The following ADGRB3 variants were observed in gnomAD, a reference collection of about 807,000 sequenced individuals.
ADGRB3 encodes adhesion G protein-coupled receptor B3.
Under a neutral mutation model 193.4 loss-of-function variants are expected in ADGRB3, and 37 were observed. The observed-to-expected ratio is 0.19, with a 90% CI of 0.15 to 0.25. ADGRB3 has a LOEUF of 0.25. Among genes scored for constraint, ADGRB3 ranks in the 10% least tolerant of loss-of-function variants. The pLI, the probability that ADGRB3 is intolerant of heterozygous loss-of-function variation, is 1.00. For synonymous variants in ADGRB3, 690 were observed against 644.2 expected, an observed-to-expected ratio of 1.07 and a Z score of -1.08; for missense variants, 1,637 against 1,852.9, an observed-to-expected ratio of 0.88 and a Z score of 2.14.
At chr6:68,863,292 G>C (rs1401244131) in intron 3 of ADGRB3, among the ~76,000 whole-genome samples, 1 of 151,912 alleles carries the variant, frequency 6.6e-6, no homozygotes, top group Non-Finnish European at 1.5e-5. Flanking sequence ...AAATATATTA[G>C]AGAAATTCTT....
intron 3 of ADGRB3, among the ~76,000 whole-genome samples, chr6:68,927,624 C>T (rs553542092): frequency 9.5e-4 from 144 of 151,906 alleles, no homozygotes; most frequent in African/African-American, 3.3e-3. Flanking sequence ...AAACATGGGA[C>T]GTAAACTTTG....
intron 3 of ADGRB3, among the ~76,000 whole-genome samples, chr6:68,771,382 A>ATG (rs1458144038): frequency 4.9e-5 from 3 of 60,666 alleles, no homozygotes; most frequent in African/African-American, 2.2e-4. Flanking sequence ...GCTAGGGAAT[A>ATG]TATACACACA....
chr6:69,287,526 G>C lies in ADGRB3; in HGVS notation c.2815-37346G>C, dbSNP rs146405704. ...TCTACATGTAACAGGCATCAAACTA[G>C]GTATCTTCACAAATATTGATTTATT... On this transcript the variant is annotated intron_variant, in intron 20 of 31. Coordinates refer to ENST00000370598, the MANE Select transcript of ADGRB3 (RefSeq NM_001704.3). 4.4e-3 allele frequency among the ~76,000 whole-genome samples: 668 copies of C among 152,138 alleles called. 7 individuals are homozygous for C. Among genetic ancestry groups the C allele is most frequent in the African/African-American group, 0.015 (635 of 41,502 alleles).
intron 6 of ADGRB3, 94 bp from the exon 7 acceptor site, chr6:68,955,930 G>T: frequency 7.9e-6 from 10 of 1,259,868 alleles, no homozygotes; most frequent in Non-Finnish European, 1.1e-6. Context: ...CATTGATTGG[G>T]GTTCATCTTC....
Position 68,779,857 on chromosome 6 carries a change from G to C in ADGRB3, c.757+140425G>C, listed in dbSNP as rs961749367. ...CTTTATTTCCCTACTTCTTATTCTA[G>C]CTATTCCTGTGTGATGGGAAGAATG... On this transcript the variant is annotated intron_variant, in intron 3 of 31. Coordinates refer to ENST00000370598, the MANE Select transcript of ADGRB3 (RefSeq NM_001704.3). Among the ~76,000 whole-genome samples, 10 of 151,992 alleles carry C rather than the reference G, an allele frequency of 6.6e-5. 1 individual carries two copies.
chr6:68,824,719 G>A (rs1408977869), intron 3 of ADGRB3, among the ~76,000 whole-genome samples: 1 of 149,594 alleles, frequency 6.7e-6, no homozygotes, highest in Admixed American at 6.7e-5. Flanking sequence ...GTTCTTCTGG[G>A]AATTTTTCCC....
At chr6:69,201,401 C>A (rs1358069285) in intron 17 of ADGRB3, among the ~76,000 whole-genome samples, 1 of 151,912 alleles carries the variant, frequency 6.6e-6, no homozygotes, top group African/African-American at 2.4e-5. Context: ...GACTACCTAT[C>A]TTTCTTAAAA....
At position 69,128,772 on chromosome 6, in the gene ADGRB3, T is replaced by G. The variant is rs149701527; in HGVS notation, c.2480+52734T>G. On this transcript the variant is annotated intron_variant, in intron 17 of 31. Coordinates refer to ENST00000370598, the MANE Select transcript of ADGRB3 (RefSeq NM_001704.3). The stretch of plus-strand genomic sequence containing the variant: ...TCTTCAAGGAACTTGGTTATTCCAG[T>G]CTAGGGACTTTCATATCCCAATTTC... Among the ~76,000 whole-genome samples, 68 of 152,280 alleles carry G rather than the reference T, an allele frequency of 4.5e-4. 1 individual carries two copies. Among genetic ancestry groups the G allele is most frequent in the African/African-American group, 1.5e-3 (64 of 41,582 alleles).
intron 3 of ADGRB3, among the ~76,000 whole-genome samples, chr6:68,641,277 C>T (rs193216012): frequency 5.8e-4 from 88 of 152,154 alleles, no homozygotes; most frequent in African/African-American, 1.9e-3. Flanking sequence ...GTTGTGTGTG[C>T]ATTAAGCATG....
chr6:68,965,226 T>G (rs1008731578), intron 8 of ADGRB3, among the ~76,000 whole-genome samples: 24 of 152,214 alleles, frequency 1.6e-4, no homozygotes, highest in African/African-American at 5.8e-4. Flanking sequence ...GAAACACACT[T>G]CATAAACACT....
chr6:69,047,349 C>T (rs1260620640), intron 13 of ADGRB3, among the ~76,000 whole-genome samples: 1 of 151,090 alleles, frequency 6.6e-6, no homozygotes, highest in Admixed American at 6.6e-5. Context: ...TATTTATCAT[C>T]ATAGTTTTAT....
chr6:69,004,556 CT>C (rs1414477175), intron 11 of ADGRB3, among the ~76,000 whole-genome samples: 1 of 120,612 alleles, frequency 8.3e-6, no homozygotes, highest in Non-Finnish European at 1.7e-5. Flanking sequence ...AATGCTATCC[CT>C]CCCCCCTCCC....
intron 2 of ADGRB3, 140 bp from the exon 3 acceptor site, chr6:68,638,521 A>C: frequency 1.2e-6 from 1 of 853,162 alleles, no homozygotes; most frequent in African/African-American, 1.7e-5. Context: ...GTGTTATAAA[A>C]TAAAAATTAC....
At chr6:68,947,661 C>T (rs1273325862) in intron 6 of ADGRB3, among the ~76,000 whole-genome samples, 3 of 152,064 alleles carry the variant, frequency 2.0e-5, no homozygotes, top group Non-Finnish European at 4.4e-5. Context: ...TTGTGTCACT[C>T]ATCTAATCTT....
chr6:69,182,441 T>A (rs1038029921), intron 17 of ADGRB3, among the ~76,000 whole-genome samples: 1 of 151,106 alleles, frequency 6.6e-6, no homozygotes, highest in Non-Finnish European at 1.5e-5. Context: ...AGTTAAGGTA[T>A]CCTAAACTAA....
intron 19 of ADGRB3, among the ~76,000 whole-genome samples, chr6:69,237,330 C>T (rs1200123451): frequency 6.6e-6 from 1 of 151,880 alleles, no homozygotes; most frequent in Non-Finnish European, 1.5e-5. Context: ...ACATAATAGG[C>T]TGTTTTTAAA....
At chr6:68,777,285 C>G (rs1582192767) in intron 3 of ADGRB3, among the ~76,000 whole-genome samples, 1 of 152,222 alleles carries the variant, frequency 6.6e-6, no homozygotes, top group South Asian at 2.1e-4. Flanking sequence ...TTCACTTGCA[C>G]TATGATGCAA....
chr6:69,231,365 C>A (rs1766132125), intron 17 of ADGRB3, among the ~76,000 whole-genome samples: 1 of 152,270 alleles, frequency 6.6e-6, no homozygotes, highest in Non-Finnish European at 1.5e-5. Flanking sequence ...ATTTATTGGG[C>A]ATAGCTGCAT....
intron 17 of ADGRB3, among the ~76,000 whole-genome samples, chr6:69,080,921 A>G (rs1772368440): frequency 6.6e-6 from 1 of 152,032 alleles, no homozygotes; most frequent in African/African-American, 2.4e-5. Context: ...CTTCTAAATT[A>G]ACATTGTTAT....
Sources: gnomAD v4.1 joint callset for allele counts (sites outside exome capture counted in the v4.1 genomes callset) on GRCh38, gnomAD v4.1.1 for gene constraint, MANE v1.5 for transcripts, NCBI Gene and HGNC (gene_info 2026-07-23, HGNC 2026-07-21) for gene names.